Variants in COMMD5 observed in about 807,000 individuals in gnomAD.
The protein encoded by COMMD5 is COMM domain-containing protein 5.
COMMD5 carries 10 observed loss-of-function variants against 6.9 expected under a neutral mutation model. That is an observed-to-expected ratio of 1.44 (90% CI 0.89 to 2.45). The LOEUF (loss-of-function observed/expected upper bound fraction) is 2.45, where lower values mean the gene tolerates loss of function less well. Ranked by LOEUF, COMMD5 falls within the 30% of genes most tolerant of loss-of-function variation. The probability of loss-of-function intolerance (pLI) is 0.00; values close to 1 mark genes in which losing one functional copy is unlikely to be tolerated. For synonymous variants in COMMD5, 127 were observed against 125.3 expected (o/e 1.01, Z -0.09); for missense variants, 234 against 287.8 (o/e 0.81, Z 1.35).
At position 144,841,426 on chromosome 8, in the gene COMMD5, A is replaced by G. The variant is rs763097695; in HGVS notation, c.*434T>C. 2.4e-5 allele frequency: 38 copies of G among 1,614,086 alleles called. No individual in the cohort carries two copies. In the African/African-American group the frequency reaches 4.4e-4, roughly 19 times the overall value. ...CATCCTAAAATCAGAATCCTATGGG[A>G]CAGTGGTCAGAATCTCCCCACAGGA... On this transcript the variant is annotated 3_prime_UTR_variant and NMD_transcript_variant, in exon 2 of 2. Coordinates refer to the COMMD5 transcript ENST00000530332.
chr8:144,843,205 C>T (rs376079812), intron 1 of COMMD5: 29 of 1,522,528 alleles, frequency 1.9e-5, no homozygotes, highest in South Asian at 2.7e-5. Flanking sequence ...TGTGAATAAA[C>T]CTATAGCCTT....
chr8:144,841,286 C>A (rs74621046), exon 2 of COMMD5: 1 of 1,484,376 alleles, frequency 6.7e-7, no homozygotes, highest in East Asian at 2.3e-5. Flanking sequence ...CCCTGGCCCC[C>A]GCATTTGTAG....
chr8:144,847,338 G>C (rs1563853070), downstream of COMMD5: 1 of 152,266 alleles, frequency 6.6e-6, no homozygotes, highest in Non-Finnish European at 1.5e-5. Context: ...CCAGCACTTT[G>C]AGAGGCCAAG....
rs138881141 is a variant in COMMD5 at position 144,841,434 on chromosome 8, C to G, written c.*426G>C. 1.2e-3 allele frequency: 1,979 copies of G among 1,614,190 alleles called. 4 individuals are homozygous for G. Among genetic ancestry groups the G allele is most frequent in the Middle Eastern group, 2.8e-3 (17 of 6,062 alleles). ...AATCAGAATCCTATGGGACAGTGGT[C>G]AGAATCTCCCCACAGGACTTTCCTC... is the stretch of plus-strand genomic sequence containing the variant. On this transcript the variant is annotated 3_prime_UTR_variant and NMD_transcript_variant, in exon 2 of 2. Coordinates refer to the COMMD5 transcript ENST00000530332.
chr8:144,845,944 GCACA>G, downstream of COMMD5: 1 of 1,532,758 alleles, frequency 6.5e-7, no homozygotes, highest in Non-Finnish European at 8.7e-7. Context: ...TTCAGGTCTA[GCACA>G]GGGGTTGCTG....
chr8:144,846,166 A>ATGGATGGTC, downstream of COMMD5: 11 of 1,536,098 alleles, frequency 7.2e-6, no homozygotes, highest in Non-Finnish European at 9.6e-6. Context: ...CGTCAGCCAT[A>ATGGATGGTC]TGGATGGTCT....
At chr8:144,842,692 C>T (rs1341406173) in intron 1 of COMMD5, 1 of 1,613,994 alleles carries the variant, frequency 6.2e-7, no homozygotes, top group Non-Finnish European at 8.5e-7. Context: ...CGAATGCCTC[C>T]AATGCGGAAA....
intron 1 of COMMD5, chr8:144,841,967 TC>T: frequency 6.2e-7 from 1 of 1,614,168 alleles, no homozygotes; most frequent in South Asian, 1.1e-5. Flanking sequence ...GGAAAAGCCT[TC>T]CGCCTGAGCT....
At chr8:144,846,390 A>C (rs1252262019), downstream of COMMD5, 1 of 554,422 alleles carries the variant, frequency 1.8e-6, no homozygotes, top group Non-Finnish European at 3.1e-6. Context: ...ACATTTGAAA[A>C]CTATGTTAAA....
At chr8:144,848,125 C>T (rs1830595282), downstream of COMMD5, among the ~76,000 whole-genome samples, 2 of 152,100 alleles carry the variant, frequency 1.3e-5, no homozygotes. Flanking sequence ...GTGGGCAGAT[C>T]ACCAGAGCCC....
At position 144,841,936 on chromosome 8, in the gene COMMD5, C is replaced by T; in HGVS notation, c.*117-193G>A. Reference sequence around the variant, plus strand: ...TCAGAGAATCCACACGGGAGAGAAACCCTTTAAATGCACTGAGTGTGGAAA... The same window carrying T: ...TCAGAGAATCCACACGGGAGAGAAATCCTTTAAATGCACTGAGTGTGGAAA... On this transcript the variant is annotated intron_variant and NMD_transcript_variant, in intron 1 of 1. Transcript: ENST00000530332. 3 of 1,614,154 alleles carry T rather than the reference C, an allele frequency of 1.9e-6. No individual in the cohort carries two copies. The highest frequency in any genetic ancestry group is 2.5e-6 in the Non-Finnish European group (3 of 1,180,038).
downstream of COMMD5, among the ~76,000 whole-genome samples, chr8:144,840,759 G>A (rs976148995): frequency 1.4e-4 from 22 of 152,118 alleles, no homozygotes; most frequent in Admixed American, 3.9e-4. Context: ...AGGGGAGGTG[G>A]CCAGGTGCAA....
intron 1 of COMMD5, chr8:144,843,169 A>G (rs1830194617): frequency 1.3e-6 from 2 of 1,568,858 alleles, no homozygotes; most frequent in Admixed American, 2.0e-5. Context: ...CATGGGATAG[A>G]CCACTTACAT....
chr8:144,849,685 G>A (rs1830650088), downstream of COMMD5, among the ~76,000 whole-genome samples: 1 of 152,116 alleles, frequency 6.6e-6, no homozygotes, highest in African/African-American at 2.4e-5. Context: ...AAGCTGCAAA[G>A]CTGGCTACAA....
At chr8:144,841,065 G>C in exon 2 of COMMD5, 1 of 378,570 alleles carries the variant, frequency 2.6e-6, no homozygotes, top group Non-Finnish European at 4.8e-6. Flanking sequence ...CCTCTGCATG[G>C]ACTGTGCCCC....
At chr8:144,841,924 A>AC (rs1369509416) in intron 1 of COMMD5, 1 of 1,614,104 alleles carries the variant, frequency 6.2e-7, no homozygotes, top group Non-Finnish European at 8.5e-7. Flanking sequence ...GAGAATCCAC[A>AC]CGGGAGAGAA....
chr8:144,847,897 G>T (rs181479961), downstream of COMMD5, among the ~76,000 whole-genome samples: 8 of 152,346 alleles, frequency 5.3e-5, no homozygotes, highest in African/African-American at 1.4e-4. Flanking sequence ...GCTGGCCTCT[G>T]CCCTGGAGTC....
At position 144,850,886 on chromosome 8, in the gene COMMD5, A is replaced by G. The variant is rs780705265; in HGVS notation, c.453T>C (p.His151=). ...VAQQQGAWLP[H]VADFRWRVDV... ...CCACCCGCCACCGAAAGTCAGCAAC[A>G]TGCGGCAGCCAGGCCCCCTGCTGCT... is the stretch of plus-strand genomic sequence containing the variant. The change falls in exon 2 of 2, where the codon CAT becomes CAC. Residue 151 remains histidine (H), a synonymous_variant. Coordinates refer to ENST00000305103, the MANE Select transcript of COMMD5 (RefSeq NM_014066.4). The surrounding 1 kb of genome is among the most constrained non-coding windows in gnomAD (Gnocchi z 4.0). 4.8e-5 allele frequency: 77 copies of G among 1,612,022 alleles called. No individual in the cohort carries two copies. Among genetic ancestry groups the G allele is most frequent in the Non-Finnish European group, 6.2e-5 (73 of 1,179,396 alleles).
chr8:144,850,420 G>A lies in COMMD5; in HGVS notation c.*244C>T. The stretch of plus-strand genomic sequence containing the variant: ...CCAAAGACAAATGTACAGGGAAGGG[G>A]AGGGTGTGAGGTCCAACACTCACCT... On this transcript the variant is annotated 3_prime_UTR_variant, in exon 2 of 2. Transcript: ENST00000305103. The surrounding 1 kb of genome is among the most constrained non-coding windows in gnomAD (Gnocchi z 4.0). 8.2e-6 allele frequency: 4 copies of A among 487,524 alleles called. No homozygotes were observed. In the South Asian group the frequency reaches 8.8e-5, roughly 11 times the overall value. 30.2% of individuals were successfully genotyped at this position (487,524 alleles called of 1,614,324 possible). A position where few individuals can be genotyped will look rare whatever the true frequency, so the allele number is the denominator to read the frequency against.
Sources: allele counts gnomAD v4.1 joint callset (sites outside exome capture counted in the v4.1 genomes callset), GRCh38; gene constraint gnomAD v4.1.1; non-coding constraint Gnocchi (gnomAD v3.1); transcripts MANE v1.5; gene names NCBI Gene and HGNC (gene_info 2026-07-23, HGNC 2026-07-21).